Variants in CACNG2 observed in about 807,000 individuals in gnomAD.
CACNG2 encodes calcium voltage-gated channel auxiliary subunit gamma 2.
Under a neutral mutation model 25.9 loss-of-function variants are expected in CACNG2, and 3 were observed. That is an observed-to-expected ratio of 0.12 (90% confidence interval 0.05 to 0.30). The LOEUF is 0.30. CACNG2 is among the 10% of genes least tolerant of loss of function. CACNG2 has a pLI of 1.00. For synonymous variants in CACNG2, 167 were observed against 173.3 expected (o/e 0.96, Z 0.29); for missense variants, 341 against 432.5 (o/e 0.79, Z 1.88).
Position 36,616,591 on chromosome 22 carries a change from T to A in CACNG2, c.212-29043A>T, listed in dbSNP as rs561186129. On this transcript the variant is annotated intron_variant, in intron 1 of 3. Transcript: ENST00000300105. ...TGTTTTCCTTTTTCATTGAGATCTGTAATCCATCTGGAATTGATTTTTTTT... is the reference window on the plus strand; with the variant it reads ...TGTTTTCCTTTTTCATTGAGATCTGAAATCCATCTGGAATTGATTTTTTTT... Among the ~76,000 whole-genome samples, 10 of 151,458 alleles carry A rather than the reference T, an allele frequency of 6.6e-5. No homozygotes were observed. In the South Asian group the frequency reaches 2.1e-3, roughly 31 times the overall value.
At chr22:36,700,145 C>T (rs894081575) in intron 1 of CACNG2, among the ~76,000 whole-genome samples, 3 of 152,258 alleles carry the variant, frequency 2.0e-5, no homozygotes, top group South Asian at 2.1e-4. Flanking sequence ...CTGTGCGCAT[C>T]GCACAATCCT....
chr22:36,596,676 C>T (rs1935683300), intron 1 of CACNG2, among the ~76,000 whole-genome samples: 1 of 152,192 alleles, frequency 6.6e-6, no homozygotes, highest in African/African-American at 2.4e-5. Context: ...AAGTCCCCAG[C>T]ACTCAGGAGC....
At chr22:36,699,657 G>A (rs937904293) in intron 1 of CACNG2, among the ~76,000 whole-genome samples, 3 of 133,934 alleles carry the variant, frequency 2.2e-5, no homozygotes, top group Non-Finnish European at 4.6e-5. Context: ...GGTGGGGGGT[G>A]GGGGGATCTT....
chr22:36,632,471 T>C (rs1285395994), intron 1 of CACNG2, among the ~76,000 whole-genome samples: 1 of 6,844 alleles, frequency 1.5e-4, no homozygotes, highest in Non-Finnish European at 2.9e-4. Flanking sequence ...TCTCCTCTCC[T>C]CTCTCTCTCT....
chr22:36,569,227 C>T (rs772291275), intron 2 of CACNG2, among the ~76,000 whole-genome samples: 9 of 152,162 alleles, frequency 5.9e-5, no homozygotes, highest in Non-Finnish European at 1.3e-4. Flanking sequence ...TAATTTCATC[C>T]TCATAACAGT....
chr22:36,634,977 G>A (rs1207001236), intron 1 of CACNG2, among the ~76,000 whole-genome samples: 1 of 152,154 alleles, frequency 6.6e-6, no homozygotes, highest in Non-Finnish European at 1.5e-5. Flanking sequence ...AGTTACACAG[G>A]CCATGATGAA....
At chr22:36,628,969 A>G (rs1349250871) in intron 1 of CACNG2, among the ~76,000 whole-genome samples, 2 of 145,918 alleles carry the variant, frequency 1.4e-5, no homozygotes, top group African/African-American at 2.8e-5. Flanking sequence ...ACTAAACCCC[A>G]GGGAGAGCTT....
chr22:36,610,020 C>T (rs1935912493), intron 1 of CACNG2, among the ~76,000 whole-genome samples: 2 of 145,458 alleles, frequency 1.4e-5, no homozygotes, highest in South Asian at 2.2e-4. Context: ...TCAGTCCCCT[C>T]AGAGAGCCTC....
At chr22:36,570,943 C>T (rs910486287) in intron 2 of CACNG2, among the ~76,000 whole-genome samples, 17 of 152,068 alleles carry the variant, frequency 1.1e-4, no homozygotes, top group African/African-American at 3.9e-4. Flanking sequence ...GTGTCACAAA[C>T]GGAATGGGGA....
In CACNG2 at chr22:36,621,955, A is replaced by G. The variant is rs1466469963; in HGVS notation, c.212-34407T>C. Among the ~76,000 whole-genome samples, 7 of 152,368 alleles carry G rather than the reference A, an allele frequency of 4.6e-5. No individual in the cohort carries two copies. In the East Asian group the frequency reaches 1.3e-3, roughly 29 times the overall value. On this transcript the variant is annotated intron_variant, in intron 1 of 3. Coordinates refer to ENST00000300105, the MANE Select transcript of CACNG2 (RefSeq NM_006078.5). ...GTTCATGTATCTGCCAAAGACGACA[A>G]CAATTAAACAGCAGGTGACATTTAC... is the stretch of plus-strand genomic sequence containing the variant.
In CACNG2 at chr22:36,636,944, T is replaced by A. The variant is rs541580125; in HGVS notation, c.212-49396A>T. ...AGTGTGGCATTCCCAAGATCCATACTTGATCCCTCCAGAGGACTTGTGTTA... is the reference window on the plus strand; with the variant it reads ...AGTGTGGCATTCCCAAGATCCATACATGATCCCTCCAGAGGACTTGTGTTA... On this transcript the variant is annotated intron_variant, in intron 1 of 3. Transcript: ENST00000300105. Among the ~76,000 whole-genome samples, 8 of 152,332 alleles carry A rather than the reference T, an allele frequency of 5.3e-5. No individual in the cohort carries two copies. The South Asian group carries it at 1.7e-3, about 32-fold the overall frequency.
intron 1 of CACNG2, among the ~76,000 whole-genome samples, chr22:36,696,850 T>G (rs1257803037): frequency 6.6e-6 from 1 of 152,194 alleles, no homozygotes; most frequent in Non-Finnish European, 1.5e-5. Context: ...GAGGAGATTA[T>G]GCCTCCTTTT....
chr22:36,673,233 A>C (rs1164248515), intron 1 of CACNG2, among the ~76,000 whole-genome samples: 1 of 152,090 alleles, frequency 6.6e-6, no homozygotes, highest in African/African-American at 2.4e-5. Flanking sequence ...CTCCAAATAT[A>C]AAAAAACAAA....
chr22:36,574,490 A>C (rs1256350127), intron 2 of CACNG2, among the ~76,000 whole-genome samples: 2 of 152,120 alleles, frequency 1.3e-5, no homozygotes, highest in African/African-American at 4.8e-5. Flanking sequence ...AGTAGAGAGT[A>C]GGGGAGGAGC....
intron 1 of CACNG2, among the ~76,000 whole-genome samples, chr22:36,607,988 A>C (rs1935870343): frequency 6.6e-6 from 1 of 152,174 alleles, no homozygotes; most frequent in African/African-American, 2.4e-5. Context: ...GCAAAATTTA[A>C]GGAGTCCCGT....
intron 1 of CACNG2, among the ~76,000 whole-genome samples, chr22:36,629,908 A>T (rs758253137): frequency 2.6e-5 from 4 of 152,174 alleles, no homozygotes; most frequent in Admixed American, 1.3e-4. Context: ...TACAGGAAGG[A>T]ATAATGTGAT....
chr22:36,586,766 C>G (rs112574933), intron 2 of CACNG2, among the ~76,000 whole-genome samples: 3,945 of 152,240 alleles, frequency 0.026, 128 homozygotes, highest in Admixed American at 0.085. Flanking sequence ...GGACTCTCAG[C>G]CCCTCTCTTG....
At chr22:36,623,154 G>A (rs996107399) in intron 1 of CACNG2, among the ~76,000 whole-genome samples, 1 of 150,588 alleles carries the variant, frequency 6.6e-6, no homozygotes, top group African/African-American at 2.4e-5. Context: ...CTGAGTAGCT[G>A]GGATTACAGG....
intron 2 of CACNG2, 55 bp from the exon 3 acceptor site, chr22:36,566,548 G>A (rs780983254): frequency 5.0e-6 from 8 of 1,587,912 alleles, no homozygotes; most frequent in African/African-American, 1.3e-5. Flanking sequence ...TGAGACTGAG[G>A]CACACAGAGG....
Sources: gnomAD v4.1 joint callset for allele counts (sites outside exome capture counted in the v4.1 genomes callset) on GRCh38, gnomAD v4.1.1 for gene constraint, MANE v1.5 for transcripts, NCBI Gene and HGNC (gene_info 2026-07-23, HGNC 2026-07-21) for gene names.